HMGCS1: variants seen among roughly 807,000 people sequenced by gnomAD.
HMGCS1 encodes the protein hydroxymethylglutaryl-CoA synthase, cytoplasmic.
HMGCS1 carries 9 observed loss-of-function variants against 52.3 expected under a neutral mutation model. The observed-to-expected ratio is 0.17, with a 90% CI of 0.10 to 0.30. The LOEUF (loss-of-function observed/expected upper bound fraction) is 0.30, where lower values mean the gene tolerates loss of function less well. HMGCS1 is among the 10% of genes least tolerant of loss of function. The pLI, the probability that HMGCS1 is intolerant of heterozygous loss-of-function variation, is 1.00. For synonymous variants in HMGCS1, 176 were observed against 214.4 expected, an observed-to-expected ratio of 0.82 and a Z score of 1.57; for missense variants, 320 against 620.9, an observed-to-expected ratio of 0.52 and a Z score of 5.15.
chr5:43,293,062 A>T (rs1414217920), intron 8 of HMGCS1, 89 bp from the exon 9 acceptor site: 8 of 1,088,774 alleles, frequency 7.3e-6, no homozygotes, highest in Non-Finnish European at 1.1e-5. Context: ...AAATGAGGCA[A>T]AACAACTTTT....
At chr5:43,295,702 T>C in intron 6 of HMGCS1, 50 bp downstream of exon 6, 1 of 1,382,438 alleles carries the variant, frequency 7.2e-7, no homozygotes, top group Non-Finnish European at 1.0e-6. Context: ...TTAACAGATA[T>C]TAAAAATGCT....
In HMGCS1 at chr5:43,294,879, C is replaced by T. The variant is rs1753955209; in HGVS notation, c.906-18G>A. The T allele has an allele frequency of 6.5e-7, 1 of 1,546,950 alleles. No homozygotes were observed. Among genetic ancestry groups the T allele is most frequent in the Non-Finnish European group, 8.8e-7 (1 of 1,130,978 alleles). ...TAACATCCCTGAAAGATTTATTTTACAGTTTTACAGTGTTTAAAGCCTATG... is the reference window on the plus strand; with the variant it reads ...TAACATCCCTGAAAGATTTATTTTATAGTTTTACAGTGTTTAAAGCCTATG... On this transcript the variant is annotated intron_variant, in intron 6 of 10. Coordinates refer to ENST00000325110, the MANE Select transcript of HMGCS1 (RefSeq NM_001098272.3).
rs1229273931 is a variant in HMGCS1 at position 43,289,965 on chromosome 5, C to G, written c.*1166G>C. On this transcript the variant is annotated 3_prime_UTR_variant, in exon 11 of 11. Coordinates refer to ENST00000325110, the MANE Select transcript of HMGCS1 (RefSeq NM_001098272.3). ...CTGTTTAACCAATCTTCTTATCTAT[C>G]CTGTGTGATAGTTTTGTTTGTTGTT... 6.6e-6 allele frequency: 1 copy of G among 152,448 alleles called. No homozygotes were observed. The highest frequency in any genetic ancestry group is 1.5e-5 in the Non-Finnish European group (1 of 67,998). 9.4% of individuals were successfully genotyped at this position (152,448 alleles called of 1,614,324 possible).
At chr5:43,293,900 G>C in intron 8 of HMGCS1, 156 bp downstream of exon 8, 1 of 545,852 alleles carries the variant, frequency 1.8e-6, no homozygotes, top group Non-Finnish European at 3.3e-6. Context: ...TTTTAGTAGA[G>C]ATGGGGTTTC....
chr5:43,291,334 T>A, intron 10 of HMGCS1, 114 bp from the exon 11 acceptor site: 1 of 682,234 alleles, frequency 1.5e-6, no homozygotes, highest in Non-Finnish European at 2.6e-6. Flanking sequence ...CTGGAGAAGT[T>A]TATGCTAAAT....
chr5:43,293,113 T>C (rs1406101237), intron 8 of HMGCS1, 140 bp from the exon 9 acceptor site: 1 of 661,100 alleles, frequency 1.5e-6, no homozygotes, highest in Non-Finnish European at 2.6e-6. Flanking sequence ...AGTTAAAAGA[T>C]AAGATGATAC....
intron 10 of HMGCS1, among the ~76,000 whole-genome samples, chr5:43,292,071 C>T (rs957611800): frequency 2.2e-5 from 3 of 136,008 alleles, no homozygotes; most frequent in Non-Finnish European, 4.6e-5. Context: ...CAGCTTACTG[C>T]AACCTCTGAC....
chr5:43,293,100 ATTAGT>A, intron 8 of HMGCS1, 127 bp from the exon 9 acceptor site: 1 of 708,204 alleles, frequency 1.4e-6, no homozygotes, highest in Non-Finnish European at 2.4e-6. Context: ...CTGGCTACTG[ATTAGT>A]TAAAAGATAA....
chr5:43,289,722 A>T lies in HMGCS1; in HGVS notation c.*1409T>A, dbSNP rs1364458262. 2 of 152,648 alleles carry T rather than the reference A, an allele frequency of 1.3e-5. No individual in the cohort carries two copies. The highest frequency in any genetic ancestry group is 2.9e-5 in the Non-Finnish European group (2 of 68,036). 9.5% of individuals were successfully genotyped at this position (152,648 alleles called of 1,614,324 possible). The stretch of plus-strand genomic sequence containing the variant: ...AAAATACTACTAGTTAATATTAGAC[A>T]AGAGTATCTTACAAACACTACTATT... On this transcript the variant is annotated 3_prime_UTR_variant, in exon 11 of 11. Coordinates refer to ENST00000325110, the MANE Select transcript of HMGCS1 (RefSeq NM_001098272.3).
At chr5:43,312,851 C>T (rs948922454) in intron 1 of HMGCS1, among the ~76,000 whole-genome samples, 1 of 152,138 alleles carries the variant, frequency 6.6e-6, no homozygotes, top group African/African-American at 2.4e-5. Context: ...ACCCACTTCC[C>T]TTCTTTCCAT....
chr5:43,310,763 CT>C (rs1477081691), intron 1 of HMGCS1, among the ~76,000 whole-genome samples: 2 of 152,136 alleles, frequency 1.3e-5, no homozygotes, highest in African/African-American at 4.8e-5. Flanking sequence ...GAAACTGGCT[CT>C]TTACTGCTAC....
chr5:43,291,262 TC>T (rs1561107065), intron 10 of HMGCS1, 42 bp from the exon 11 acceptor site: 2 of 1,197,588 alleles, frequency 1.7e-6, no homozygotes, highest in Non-Finnish European at 2.5e-6. Flanking sequence ...TATGATTCTT[TC>T]CCCCACAAGA....
intron 9 of HMGCS1, 64 bp downstream of exon 9, chr5:43,292,784 G>A: frequency 1.9e-6 from 3 of 1,551,054 alleles, no homozygotes; most frequent in Non-Finnish European, 2.7e-6. Flanking sequence ...TATCGTATAT[G>A]TAGCATCCTT....
chr5:43,296,540 C>T (rs2111658927), intron 5 of HMGCS1, among the ~76,000 whole-genome samples: 1 of 152,248 alleles, frequency 6.6e-6, no homozygotes, highest in South Asian at 2.1e-4. Flanking sequence ...ACTGTCCTTT[C>T]AGTGCCTCAA....
chr5:43,295,725 GA>G lies in HMGCS1; in HGVS notation c.905+26del, dbSNP rs745360886. 3.1e-5 allele frequency: 49 copies of G among 1,567,860 alleles called. 1 individual carries two copies. The South Asian group carries it at 5.3e-4, about 17-fold the overall frequency. ...TATTAAAAATGCTCTAATATAGAAG[GA>G]AAAAACTCATAATAGCTCCTCTTAC... On this transcript the variant is annotated intron_variant, in intron 6 of 10. Coordinates refer to ENST00000325110, the MANE Select transcript of HMGCS1 (RefSeq NM_001098272.3).
At position 43,292,635 on chromosome 5, in the gene HMGCS1, T is replaced by C; in HGVS notation, c.1312A>G (p.Asn438Asp). 6.2e-7 allele frequency: 1 copy of C among 1,610,252 alleles called. No individual in the cohort carries two copies. The highest frequency in any genetic ancestry group is 8.5e-7 in the Non-Finnish European group (1 of 1,176,780). ...KLREDTHHLV[N>D]YIPQGSIDSL... ...TCTATTGAACCCTGGGGAATATAGT[T>C]GACTAAAGGAAAGGGAGAGAATATC... Residue 438 changes from asparagine (N) to aspartate (D), a missense_variant and splice_region_variant, in exon 10 of 11, where the codon AAC (asparagine) becomes GAC (aspartate). Asn to Asp is a conservative substitution (Grantham distance 23). Transcript: ENST00000325110.
At chr5:43,305,305 C>T (rs1045466076) in intron 2 of HMGCS1, among the ~76,000 whole-genome samples, 6 of 151,986 alleles carry the variant, frequency 3.9e-5, no homozygotes, top group African/African-American at 1.4e-4. Flanking sequence ...TTTAACTATC[C>T]TATTGAGCAT....
intron 1 of HMGCS1, among the ~76,000 whole-genome samples, chr5:43,311,803 A>G (rs966912174): frequency 2.0e-5 from 3 of 152,240 alleles, no homozygotes; most frequent in Non-Finnish European, 4.4e-5. Context: ...TATGGCTCCA[A>G]ACATAAAATA....
chr5:43,301,859 A>G (rs1263974122), intron 2 of HMGCS1, among the ~76,000 whole-genome samples: 1 of 152,260 alleles, frequency 6.6e-6, no homozygotes, highest in Non-Finnish European at 1.5e-5. Context: ...AAGAAAATGT[A>G]TACAATGACT....
Sources: gnomAD v4.1 joint callset for allele counts (sites outside exome capture counted in the v4.1 genomes callset) on GRCh38, gnomAD v4.1.1 for gene constraint, MANE v1.5 for transcripts, NCBI Gene and HGNC (gene_info 2026-07-23, HGNC 2026-07-21) for gene names.